The following MBNL1 variants were observed in gnomAD, a reference collection of about 807,000 sequenced individuals.
MBNL1 encodes muscleblind like splicing regulator 1.
Under a neutral mutation model 42.2 loss-of-function variants are expected in MBNL1, and 8 were observed. The ratio of observed to expected loss-of-function variants is 0.19; its 90% CI spans 0.11 to 0.34. The LOEUF (loss-of-function observed/expected upper bound fraction) is 0.34, where lower values mean the gene tolerates loss of function less well. Among genes scored for constraint, MBNL1 ranks in the 10% least tolerant of loss-of-function variants. The pLI, the probability that MBNL1 is intolerant of heterozygous loss-of-function variation, is 1.00. For synonymous variants in MBNL1, 169 were observed against 173.9 expected, an observed-to-expected ratio of 0.97 and a Z score of 0.22; for missense variants, 309 against 495.3, an observed-to-expected ratio of 0.62 and a Z score of 3.57.
chr3:152,357,859 A>C (rs1455127522), intron 2 of MBNL1, among the ~76,000 whole-genome samples: 2 of 152,204 alleles, frequency 1.3e-5, no homozygotes, highest in African/African-American at 4.8e-5. Context: ...AGGTTGGCTC[A>C]TGGCATGCAT....
chr3:152,390,115 G>T (rs955745777), intron 2 of MBNL1, among the ~76,000 whole-genome samples: 3 of 150,826 alleles, frequency 2.0e-5, no homozygotes, highest in African/African-American at 7.3e-5. Context: ...TGATCCACCT[G>T]CTTCGGCCTC....
chr3:152,428,601 C>A (rs2098966735), intron 3 of MBNL1, among the ~76,000 whole-genome samples: 1 of 152,134 alleles, frequency 6.6e-6, no homozygotes, highest in South Asian at 2.1e-4. Flanking sequence ...GAACATGTAT[C>A]CTTAGAGACC....
chr3:152,458,375 A>G (rs1284905398), intron 8 of MBNL1: 2 of 585,652 alleles, frequency 3.4e-6, no homozygotes, highest in Middle Eastern at 3.5e-4. Context: ...AACAGCAACA[A>G]AATGCCTTTG....
intron 2 of MBNL1, among the ~76,000 whole-genome samples, chr3:152,250,293 A>C (rs369998529): frequency 6.6e-6 from 1 of 151,772 alleles, no homozygotes; most frequent in Non-Finnish European, 1.5e-5. Flanking sequence ...CTTTTATTTC[A>C]TTAAGCAGTG....
At chr3:152,425,317 G>A (rs1050557070) in intron 3 of MBNL1, among the ~76,000 whole-genome samples, 1 of 152,060 alleles carries the variant, frequency 6.6e-6, no homozygotes, top group Non-Finnish European at 1.5e-5. Context: ...CATCATCGGT[G>A]GTCATTAGAG....
chr3:152,385,842 G>A (rs766135572), intron 2 of MBNL1, among the ~76,000 whole-genome samples: 20 of 151,962 alleles, frequency 1.3e-4, no homozygotes, highest in Admixed American at 9.8e-4. Context: ...GTCATGGGCC[G>A]TGTTAGTAAA....
intron 2 of MBNL1, among the ~76,000 whole-genome samples, chr3:152,345,885 T>G (rs2094154337): frequency 6.6e-6 from 1 of 152,178 alleles, no homozygotes; most frequent in African/African-American, 2.4e-5. Context: ...ATAATAGGAT[T>G]GCTTTGAGGA....
At position 152,318,850 on chromosome 3, in the gene MBNL1, C is replaced by T. The variant is rs546591844; in HGVS notation, c.174+18483C>T. 2.0e-5 allele frequency among the ~76,000 whole-genome samples: 3 copies of T among 152,314 alleles called. No individual in the cohort carries two copies. In the East Asian group the frequency reaches 5.8e-4, roughly 29 times the overall value. ...AAGACACTCTACAGGCATTCACAGACTGCAACCAGTTCAAATTGTAATATC... is the reference window on the plus strand; with the variant it reads ...AAGACACTCTACAGGCATTCACAGATTGCAACCAGTTCAAATTGTAATATC... On this transcript the variant is annotated intron_variant, in intron 2 of 9. Coordinates refer to ENST00000324210, the MANE Select transcript of MBNL1 (RefSeq NM_021038.5).
chr3:152,412,363 A>G (rs1051296729), intron 2 of MBNL1, among the ~76,000 whole-genome samples: 1 of 152,088 alleles, frequency 6.6e-6, no homozygotes, highest in Admixed American at 6.5e-5. Flanking sequence ...ATCACCTGGA[A>G]TGCTTGTTAA....
intron 5 of MBNL1, chr3:152,446,682 T>C (rs780921648): frequency 6.2e-7 from 1 of 1,612,670 alleles, no homozygotes; most frequent in Non-Finnish European, 8.5e-7. Context: ...TGCCATCATG[T>C]GCTCGCTGCC....
intron 2 of MBNL1, among the ~76,000 whole-genome samples, chr3:152,324,087 G>A (rs1333420121): frequency 1.3e-5 from 2 of 152,090 alleles, no homozygotes; most frequent in African/African-American, 4.8e-5. Flanking sequence ...AAATCCTCTT[G>A]TGTTGCCCCT....
At chr3:152,253,716 T>C (rs1345665727) in intron 2 of MBNL1, among the ~76,000 whole-genome samples, 1 of 152,138 alleles carries the variant, frequency 6.6e-6, no homozygotes, top group Non-Finnish European at 1.5e-5. Context: ...ATTTTCCACA[T>C]GCCCTTCTCT....
intron 4 of MBNL1, among the ~76,000 whole-genome samples, chr3:152,438,734 C>A (rs2099110144): frequency 6.6e-6 from 1 of 152,178 alleles, no homozygotes; most frequent in African/African-American, 2.4e-5. Flanking sequence ...ATACTAGCAT[C>A]TCTTATTTAG....
chr3:152,423,912 A>G (rs1293277953), intron 3 of MBNL1, among the ~76,000 whole-genome samples: 2 of 152,226 alleles, frequency 1.3e-5, no homozygotes, highest in African/African-American at 4.8e-5. Flanking sequence ...TAAACTAGGT[A>G]TTGATGGAAT....
At chr3:152,459,012 C>T (rs943557772) in intron 8 of MBNL1, 32 of 285,274 alleles carry the variant, frequency 1.1e-4, no homozygotes, top group Non-Finnish European at 7.9e-5. Flanking sequence ...TACTGCTCTG[C>T]ATGAATTTTT....
chr3:152,355,211 C>T (rs992643741), intron 2 of MBNL1, among the ~76,000 whole-genome samples: 1 of 152,132 alleles, frequency 6.6e-6, no homozygotes, highest in Non-Finnish European at 1.5e-5. Context: ...GACTCCAGAG[C>T]CAGGCTTCTT....
At chr3:152,403,448 CTA>C (rs1336856479) in intron 2 of MBNL1, among the ~76,000 whole-genome samples, 1 of 152,100 alleles carries the variant, frequency 6.6e-6, no homozygotes, top group Non-Finnish European at 1.5e-5. Flanking sequence ...TAGTTGTCAT[CTA>C]TTTTTATTTG....
At chr3:152,297,575 C>T (rs559672874) in intron 1 of MBNL1, among the ~76,000 whole-genome samples, 5 of 151,896 alleles carry the variant, frequency 3.3e-5, no homozygotes, top group South Asian at 2.1e-4. Flanking sequence ...AGGTTGGTCT[C>T]GAACACCTGA....
intron 2 of MBNL1, among the ~76,000 whole-genome samples, chr3:152,374,311 G>A (rs959912437): frequency 6.6e-6 from 1 of 152,118 alleles, no homozygotes; most frequent in African/African-American, 2.4e-5. Context: ...ATGGAGAAGG[G>A]TCATTTTCAT....
Sources: allele counts gnomAD v4.1 joint callset (sites outside exome capture counted in the v4.1 genomes callset), GRCh38; gene constraint gnomAD v4.1.1; transcripts MANE v1.5; gene names NCBI Gene and HGNC (gene_info 2026-07-23, HGNC 2026-07-21).